NOS1AP: variants seen among roughly 807,000 people sequenced by gnomAD.
The protein encoded by NOS1AP is carboxyl-terminal PDZ ligand of neuronal nitric oxide synthase protein.
Under a neutral mutation model 56.2 loss-of-function variants are expected in NOS1AP, and 21 were observed. That is an observed-to-expected ratio of 0.37 (90% CI 0.26 to 0.54). NOS1AP has a LOEUF of 0.54. NOS1AP is among the 20% of genes least tolerant of loss of function. The pLI is 0.84. For synonymous variants in NOS1AP, 270 were observed against 274.6 expected (o/e 0.98, Z 0.17); for missense variants, 522 against 657.8 (o/e 0.79, Z 2.26).
At chr1:162,177,218 C>A (rs768493683) in intron 2 of NOS1AP, among the ~76,000 whole-genome samples, 2 of 152,152 alleles carry the variant, frequency 1.3e-5, no homozygotes, top group Non-Finnish European at 2.9e-5. Context: ...TGGAATAGCC[C>A]TGGAGTCAGG....
intron 2 of NOS1AP, among the ~76,000 whole-genome samples, chr1:162,241,971 C>G (rs1046842316): frequency 2.0e-5 from 3 of 152,230 alleles, no homozygotes; most frequent in Admixed American, 2.0e-4. Flanking sequence ...CATATCTCCA[C>G]TGTAACAATG....
At chr1:162,289,226 TTCC>T (rs747172635) in intron 3 of NOS1AP, among the ~76,000 whole-genome samples, 199 of 27,542 alleles carry the variant, frequency 7.2e-3, no homozygotes, top group Middle Eastern at 0.014. Context: ...CCTTCCTTCC[TTCC>T]TTCCTTCCTT....
At chr1:162,195,606 C>T (rs1418719677) in intron 2 of NOS1AP, among the ~76,000 whole-genome samples, 1 of 152,236 alleles carries the variant, frequency 6.6e-6, no homozygotes, top group Non-Finnish European at 1.5e-5. Context: ...CCCCTTTGTA[C>T]ACTCTTTCTG....
At chr1:162,304,456 T>A (rs72700123) in intron 4 of NOS1AP, among the ~76,000 whole-genome samples, 4,723 of 152,262 alleles carry the variant, frequency 0.031, 109 homozygotes, top group Non-Finnish European at 0.048. Flanking sequence ...CTTTCTTTTT[T>A]AAAAAAGTTT....
intron 4 of NOS1AP, among the ~76,000 whole-genome samples, chr1:162,303,068 T>G (rs762242040): frequency 1.3e-5 from 2 of 152,224 alleles, no homozygotes; most frequent in Non-Finnish European, 2.9e-5. Context: ...TAACCATTCA[T>G]GTGTTCATGG....
intron 2 of NOS1AP, among the ~76,000 whole-genome samples, chr1:162,173,855 T>C (rs988073102): frequency 2.0e-5 from 3 of 152,040 alleles, no homozygotes; most frequent in African/African-American, 7.3e-5. Context: ...AAAACCACAA[T>C]GAGATACCAT....
intron 4 of NOS1AP, among the ~76,000 whole-genome samples, chr1:162,326,982 A>C (rs1441310643): frequency 6.6e-6 from 1 of 152,254 alleles, no homozygotes; most frequent in Non-Finnish European, 1.5e-5. Flanking sequence ...ATTTTCATAA[A>C]ATGCTTCTTG....
intron 1 of NOS1AP, among the ~76,000 whole-genome samples, chr1:162,073,232 A>C (rs1289282087): frequency 6.6e-6 from 1 of 152,236 alleles, no homozygotes; most frequent in East Asian, 1.9e-4. Flanking sequence ...ACATAGGCTC[A>C]GGGAGGTTGT....
At chr1:162,334,719 C>A (rs1304649973) in intron 5 of NOS1AP, among the ~76,000 whole-genome samples, 1 of 152,206 alleles carries the variant, frequency 6.6e-6, no homozygotes, top group Non-Finnish European at 1.5e-5. Context: ...ACAAATAACG[C>A]ATTATCATTT....
intron 2 of NOS1AP, among the ~76,000 whole-genome samples, chr1:162,178,116 A>G (rs1651126006): frequency 6.6e-6 from 1 of 152,136 alleles, no homozygotes; most frequent in Non-Finnish European, 1.5e-5. Context: ...GGCTTTTTAG[A>G]TTGGTTTCTT....
At chr1:162,141,159 A>C (rs1468828614) in intron 1 of NOS1AP, among the ~76,000 whole-genome samples, 2 of 151,962 alleles carry the variant, frequency 1.3e-5, no homozygotes, top group Non-Finnish European at 2.9e-5. Context: ...TTCAATGTGA[A>C]ATACTAGGTG....
At chr1:162,157,801 C>G (rs985993552) in intron 2 of NOS1AP, among the ~76,000 whole-genome samples, 3 of 152,164 alleles carry the variant, frequency 2.0e-5, no homozygotes, top group African/African-American at 7.2e-5. Flanking sequence ...AGCTGGGGCT[C>G]TAGCTGGTGT....
Position 162,190,349 on chromosome 1 carries a change from T to A in NOS1AP, c.177+35873T>A, listed in dbSNP as rs573181327. Among the ~76,000 whole-genome samples, 23 of 109,014 alleles carry A rather than the reference T, an allele frequency of 2.1e-4. No individual in the cohort carries two copies. The South Asian group carries it at 6.9e-3, about 33-fold the overall frequency. The allele number at this position is 109,014 out of a possible 152,430, so 71.5% of individuals were successfully genotyped here. On this transcript the variant is annotated intron_variant, in intron 2 of 9. Transcript: ENST00000361897. Reference sequence around the variant, plus strand: ...AAGATTTCTTTCTTCTCTGAACACATTTTTTTTAAATTTTATTTTATTTTA... The same window carrying A: ...AAGATTTCTTTCTTCTCTGAACACAATTTTTTTAAATTTTATTTTATTTTA...
At chr1:162,123,966 C>T (rs1484584331) in intron 1 of NOS1AP, among the ~76,000 whole-genome samples, 2 of 152,164 alleles carry the variant, frequency 1.3e-5, no homozygotes, top group African/African-American at 2.4e-5. Context: ...ATCTTCTCTA[C>T]AGACTTTATT....
At chr1:162,362,444 C>CAAAAAAAAA (rs11314295) in intron 8 of NOS1AP, among the ~76,000 whole-genome samples, 1 of 134,352 alleles carries the variant, frequency 7.4e-6, no homozygotes, top group Non-Finnish European at 1.6e-5. Context: ...GAGTGAGTCT[C>CAAAAAAAAA]AAAAAAAAAA....
At chr1:162,152,658 C>T (rs12064771) in intron 1 of NOS1AP, among the ~76,000 whole-genome samples, 29,682 of 152,186 alleles carry the variant, frequency 0.2, 3,619 homozygotes, top group African/African-American at 0.35. Context: ...TGGGGCTGTC[C>T]CCTTGGGGCC....
intron 1 of NOS1AP, among the ~76,000 whole-genome samples, chr1:162,087,649 A>G (rs1418357462): frequency 6.6e-6 from 1 of 152,106 alleles, no homozygotes; most frequent in Non-Finnish European, 1.5e-5. Flanking sequence ...CCAGCACTCC[A>G]TGATTCTATA....
intron 2 of NOS1AP, among the ~76,000 whole-genome samples, chr1:162,282,220 AG>A (rs2101731476): frequency 6.6e-6 from 1 of 152,346 alleles, no homozygotes; most frequent in South Asian, 2.1e-4. Flanking sequence ...CATCTTGCAA[AG>A]ATGAAACTCT....
chr1:162,250,247 A>T (rs1282731976), intron 2 of NOS1AP, among the ~76,000 whole-genome samples: 1 of 152,154 alleles, frequency 6.6e-6, no homozygotes, highest in Non-Finnish European at 1.5e-5. Context: ...TCCTCCTCCA[A>T]GGTGTTATCT....
Sources: gnomAD v4.1 joint callset for allele counts (sites outside exome capture counted in the v4.1 genomes callset) on GRCh38, gnomAD v4.1.1 for gene constraint, MANE v1.5 for transcripts, NCBI Gene and HGNC (gene_info 2026-07-23, HGNC 2026-07-21) for gene names.